Variants in PCDH9 observed in about 807,000 individuals in gnomAD.
PCDH9 encodes the protein protocadherin 9, also known as protocadherin-9.
PCDH9 carries 24 observed loss-of-function variants against 70.6 expected under a neutral mutation model. The observed-to-expected ratio is 0.34, with a 90% CI of 0.25 to 0.48. PCDH9 has a LOEUF of 0.48. Ranked by LOEUF, PCDH9 falls within the 20% of genes least tolerant of loss-of-function variation. The pLI, the probability that PCDH9 is intolerant of heterozygous loss-of-function variation, is 0.99. For missense variants in PCDH9, 1,281 were observed against 1,503.6 expected (o/e 0.85, Z 2.45); for synonymous variants, 562 against 558.5 (o/e 1.01, Z -0.09).
chr13:67,117,789 A>C (rs1392027120), intron 2 of PCDH9, among the ~76,000 whole-genome samples: 8 of 152,142 alleles, frequency 5.3e-5, no homozygotes, highest in Non-Finnish European at 1.2e-4. Context: ...GGTATAAATT[A>C]AAAAGGTTTT....
At chr13:67,088,500 C>T (rs903326203) in intron 2 of PCDH9, among the ~76,000 whole-genome samples, 3 of 151,888 alleles carry the variant, frequency 2.0e-5, no homozygotes, top group African/African-American at 7.2e-5. Flanking sequence ...TAGATTTTTA[C>T]CAAAAGTCGT....
intron 4 of PCDH9, among the ~76,000 whole-genome samples, chr13:66,555,348 G>A (rs749258927): frequency 3.4e-5 from 5 of 149,204 alleles, no homozygotes; most frequent in African/African-American, 4.9e-5. Flanking sequence ...AGTCATCTAC[G>A]TTAGAAACCT....
intron 4 of PCDH9, among the ~76,000 whole-genome samples, chr13:66,314,675 T>A (rs1031763035): frequency 6.6e-5 from 10 of 152,202 alleles, no homozygotes; most frequent in Non-Finnish European, 1.5e-5. Flanking sequence ...TGCATTTTTT[T>A]AGAAAATTCC....
intron 3 of PCDH9, among the ~76,000 whole-genome samples, chr13:66,664,452 T>C (rs1299325099): frequency 1.3e-5 from 2 of 151,880 alleles, no homozygotes; most frequent in Non-Finnish European, 2.9e-5. Flanking sequence ...CTTTTTTTTT[T>C]TTAAACAAAG....
At chr13:66,513,183 A>G (rs7336543) in intron 4 of PCDH9, among the ~76,000 whole-genome samples, 2,189 of 130,598 alleles carry the variant, frequency 0.017, 43 homozygotes, top group African/African-American at 0.059. Context: ...TTTGCCTATA[A>G]AATAACACGT....
chr13:66,312,629 A>C (rs534162655), intron 4 of PCDH9, among the ~76,000 whole-genome samples: 1 of 150,878 alleles, frequency 6.6e-6, no homozygotes, highest in Non-Finnish European at 1.5e-5. Context: ...AAAAAAAATT[A>C]CTCTAGTACT....
At chr13:66,725,463 T>G (rs879498995) in intron 3 of PCDH9, among the ~76,000 whole-genome samples, 4 of 152,130 alleles carry the variant, frequency 2.6e-5, no homozygotes, top group African/African-American at 7.2e-5. Flanking sequence ...AGCTTTTAAT[T>G]TTTTTCCCAA....
chr13:67,083,092 T>A (rs1454333301), intron 2 of PCDH9, among the ~76,000 whole-genome samples: 1 of 152,122 alleles, frequency 6.6e-6, no homozygotes, highest in East Asian at 1.9e-4. Flanking sequence ...TTTCTTCTTC[T>A]AACTGGATAA....
At chr13:66,528,394 GA>G (rs1307632081) in intron 4 of PCDH9, among the ~76,000 whole-genome samples, 2 of 152,062 alleles carry the variant, frequency 1.3e-5, no homozygotes, top group Non-Finnish European at 2.9e-5. Flanking sequence ...CTCTACTGAG[GA>G]AGCTCCCCGC....
chr13:67,155,489 A>G (rs2087786403), intron 2 of PCDH9, among the ~76,000 whole-genome samples: 1 of 152,208 alleles, frequency 6.6e-6, no homozygotes, highest in Non-Finnish European at 1.5e-5. Flanking sequence ...CTTAAATTGT[A>G]ATTATCAAAC....
At chr13:67,063,266 G>A (rs1310107175) in intron 2 of PCDH9, among the ~76,000 whole-genome samples, 1 of 152,026 alleles carries the variant, frequency 6.6e-6, no homozygotes, top group African/African-American at 2.4e-5. Context: ...CAGCCCAGCA[G>A]GGATAAACCT....
chr13:66,520,261 T>G (rs1424158664), intron 4 of PCDH9, among the ~76,000 whole-genome samples: 1 of 152,224 alleles, frequency 6.6e-6, no homozygotes, highest in Non-Finnish European at 1.5e-5. Flanking sequence ...GGATTAAATG[T>G]GCATACAATG....
At chr13:66,984,994 C>T (rs1024597278) in intron 2 of PCDH9, among the ~76,000 whole-genome samples, 2 of 152,034 alleles carry the variant, frequency 1.3e-5, no homozygotes. Flanking sequence ...CCTTAGGTTA[C>T]TTGCACTTGC....
intron 3 of PCDH9, among the ~76,000 whole-genome samples, chr13:66,739,956 C>G (rs992585457): frequency 7.6e-4 from 115 of 150,902 alleles, no homozygotes; most frequent in African/African-American, 2.7e-3. Context: ...AACAAGGATA[C>G]CCAGGAATTG....
At chr13:67,061,398 CCT>C (rs201270457) in intron 2 of PCDH9, among the ~76,000 whole-genome samples, 4 of 151,068 alleles carry the variant, frequency 2.6e-5, no homozygotes, top group East Asian at 1.9e-4. Flanking sequence ...TGTCTCTCTC[CCT>C]CTCTCTCTCT....
intron 4 of PCDH9, among the ~76,000 whole-genome samples, chr13:66,449,017 A>G (rs917155229): frequency 2.0e-5 from 3 of 152,212 alleles, no homozygotes; most frequent in Non-Finnish European, 4.4e-5. Flanking sequence ...CCTTTGATAT[A>G]AAGAAATTGA....
At chr13:66,714,411 C>T (rs2078842013) in intron 3 of PCDH9, among the ~76,000 whole-genome samples, 1 of 151,222 alleles carries the variant, frequency 6.6e-6, no homozygotes, top group Non-Finnish European at 1.5e-5. Flanking sequence ...TTGCAGTGAG[C>T]CAAGATCGTG....
intron 4 of PCDH9, among the ~76,000 whole-genome samples, chr13:66,408,433 G>A (rs916078503): frequency 6.6e-6 from 1 of 152,088 alleles, no homozygotes; most frequent in African/African-American, 2.4e-5. Flanking sequence ...TTTTTCTCTG[G>A]ATATACATTT....
chr13:66,946,779 A>G (rs1048219815), intron 2 of PCDH9, among the ~76,000 whole-genome samples: 1 of 152,092 alleles, frequency 6.6e-6, no homozygotes, highest in Non-Finnish European at 1.5e-5. Context: ...AAATTCTAAT[A>G]GAATTTTAGT....
Sources: allele counts gnomAD v4.1 joint callset (sites outside exome capture counted in the v4.1 genomes callset), GRCh38; gene constraint gnomAD v4.1.1; transcripts MANE v1.5; gene names NCBI Gene and HGNC (gene_info 2026-07-23, HGNC 2026-07-21).